DCC: variants seen among roughly 807,000 people sequenced by gnomAD.
The protein encoded by DCC is DCC netrin 1 receptor.
DCC carries 58 observed loss-of-function variants against 172.5 expected under a neutral mutation model. The ratio of observed to expected loss-of-function variants is 0.34; its 90% CI spans 0.27 to 0.42. DCC has a LOEUF of 0.42. DCC is among the 10% of genes least tolerant of loss of function. The pLI is 1.00. For missense variants in DCC, 1,740 were observed against 1,791.0 expected, an observed-to-expected ratio of 0.97 and a Z score of 0.51; for synonymous variants, 709 against 644.5, an observed-to-expected ratio of 1.10 and a Z score of -1.52.
intron 26 of DCC, among the ~76,000 whole-genome samples, chr18:53,493,711 C>G (rs2045985683): frequency 6.6e-6 from 1 of 152,044 alleles, no homozygotes; most frequent in African/African-American, 2.4e-5. Context: ...TTCAAAAAAC[C>G]AGCTCCTTGA....
intron 2 of DCC, among the ~76,000 whole-genome samples, chr18:52,825,609 G>C (rs1398609135): frequency 6.6e-6 from 1 of 152,082 alleles, no homozygotes; most frequent in Admixed American, 6.5e-5. Flanking sequence ...AAGTATCTCT[G>C]CCCTTGAAAT....
chr18:53,284,236 C>A (rs1365476542), intron 12 of DCC, among the ~76,000 whole-genome samples: 1 of 152,030 alleles, frequency 6.6e-6, no homozygotes, highest in Admixed American at 6.6e-5. Flanking sequence ...AGGAATTTCC[C>A]CATGGGCTGT....
chr18:52,680,461 T>C (rs1036156048), intron 1 of DCC, among the ~76,000 whole-genome samples: 1 of 152,168 alleles, frequency 6.6e-6, no homozygotes, highest in African/African-American at 2.4e-5. Flanking sequence ...ATGGAATTCC[T>C]TTGTCGTATG....
At chr18:52,918,776 A>C (rs79151177) in intron 3 of DCC, among the ~76,000 whole-genome samples, 2,133 of 152,254 alleles carry the variant, frequency 0.014, 51 homozygotes, top group East Asian at 0.043. Flanking sequence ...TAGTTTAATA[A>C]TATTTCTGTA....
chr18:52,466,286 T>C (rs1405387521), intron 1 of DCC, among the ~76,000 whole-genome samples: 1 of 152,174 alleles, frequency 6.6e-6, no homozygotes, highest in Non-Finnish European at 1.5e-5. Context: ...CCATGGTGGG[T>C]CTAACATAAA....
chr18:53,388,633 T>G (rs182857949), intron 16 of DCC, among the ~76,000 whole-genome samples: 16 of 152,310 alleles, frequency 1.1e-4, no homozygotes, highest in Middle Eastern at 6.8e-3. Context: ...TTATTTCTTG[T>G]TGTCTTAAGG....
Position 53,351,320 on chromosome 18 carries a change from G to GTATATATATATATATATATATACACTGTA in DCC, c.2359+11425_2359+11426insTATATATATACACTGTATATATATATATA, listed in dbSNP as rs201328758. 6.4e-4 allele frequency among the ~76,000 whole-genome samples: 19 copies of GTATATATATATATATATATATACACTGTA among 29,632 alleles called. 2 individuals carry two copies. Among genetic ancestry groups the GTATATATATATATATATATATACACTGTA allele is most frequent in the African/African-American group, 2.1e-3 (18 of 8,576 alleles). The allele number at this position is 29,632 out of a possible 152,430, so 19.4% of individuals were successfully genotyped here. ...ATATATATATATATATATATACACT[G>GTATATATATATATATATATATACACTGTA]TATATATATATACAGTGTATATATA... is the stretch of plus-strand genomic sequence containing the variant. On this transcript the variant is annotated intron_variant, in intron 15 of 28. Transcript: ENST00000442544.
intron 12 of DCC, among the ~76,000 whole-genome samples, chr18:53,258,423 G>A (rs1048333187): frequency 6.6e-5 from 10 of 152,034 alleles, no homozygotes; most frequent in South Asian, 2.1e-4. Context: ...CTTTGTTCTC[G>A]TTGGTTTCAA....
At chr18:52,961,736 C>G (rs10469017) in intron 5 of DCC, among the ~76,000 whole-genome samples, 2,097 of 152,266 alleles carry the variant, frequency 0.014, 27 homozygotes, top group Middle Eastern at 0.037. Context: ...ACCAAAACAG[C>G]ATGGTACTGG....
chr18:52,508,144 A>C (rs1270433352), intron 1 of DCC, among the ~76,000 whole-genome samples: 1 of 151,998 alleles, frequency 6.6e-6, no homozygotes, highest in Non-Finnish European at 1.5e-5. Flanking sequence ...ATCTACGGGG[A>C]CCAGTATTTA....
At chr18:53,373,665 T>C (rs901928795) in intron 15 of DCC, among the ~76,000 whole-genome samples, 3 of 152,292 alleles carry the variant, frequency 2.0e-5, no homozygotes, top group Admixed American at 1.3e-4. Context: ...TTTTGTTAGT[T>C]ACAATTTTTC....
chr18:53,272,705 AT>A (rs1211601038), intron 12 of DCC, among the ~76,000 whole-genome samples: 1 of 152,100 alleles, frequency 6.6e-6, no homozygotes, highest in Non-Finnish European at 1.5e-5. Context: ...AATTTCGTAT[AT>A]TTTTCAAAAT....
intron 1 of DCC, among the ~76,000 whole-genome samples, chr18:52,438,304 G>A (rs1030463712): frequency 6.6e-6 from 1 of 152,146 alleles, no homozygotes; most frequent in Non-Finnish European, 1.5e-5. Flanking sequence ...CTGTCACTCT[G>A]GTCGGTCTCC....
chr18:53,499,029 G>C (rs573232770), intron 26 of DCC, among the ~76,000 whole-genome samples: 1 of 152,128 alleles, frequency 6.6e-6, no homozygotes, highest in African/African-American at 2.4e-5. Flanking sequence ...GACAGTTCAA[G>C]CAATATAGTC....
At chr18:52,492,114 G>A (rs887715567) in intron 1 of DCC, among the ~76,000 whole-genome samples, 4 of 151,776 alleles carry the variant, frequency 2.6e-5, no homozygotes, top group African/African-American at 9.7e-5. Context: ...ATGAGAGGGT[G>A]GTGAAATATA....
At chr18:53,197,235 A>G (rs553634038) in intron 9 of DCC, among the ~76,000 whole-genome samples, 2 of 152,158 alleles carry the variant, frequency 1.3e-5, no homozygotes, top group East Asian at 3.9e-4. Flanking sequence ...ACAGATGATT[A>G]CTTAGGTCCT....
At chr18:52,933,366 G>A (rs1006703151) in intron 5 of DCC, among the ~76,000 whole-genome samples, 1 of 151,808 alleles carries the variant, frequency 6.6e-6, no homozygotes, top group East Asian at 1.9e-4. Context: ...AGGAAGACAA[G>A]GGACCCTGAA....
chr18:53,276,608 T>C (rs565877996), intron 12 of DCC, among the ~76,000 whole-genome samples: 1 of 152,080 alleles, frequency 6.6e-6, no homozygotes, highest in Admixed American at 6.6e-5. Context: ...TTGAGAGATG[T>C]TTAAAGCTGA....
intron 1 of DCC, among the ~76,000 whole-genome samples, chr18:52,540,520 C>T (rs1420640708): frequency 6.8e-6 from 1 of 147,958 alleles, no homozygotes; most frequent in Non-Finnish European, 1.5e-5. Flanking sequence ...GGCATCAAAG[C>T]ATTTGATATT....
Sources: gnomAD v4.1 joint callset for allele counts (sites outside exome capture counted in the v4.1 genomes callset) on GRCh38, gnomAD v4.1.1 for gene constraint, MANE v1.5 for transcripts, NCBI Gene and HGNC (gene_info 2026-07-23, HGNC 2026-07-21) for gene names.